PTPRR: variants seen among roughly 807,000 people sequenced by gnomAD.
The protein encoded by PTPRR is protein tyrosine phosphatase receptor type R, also known as receptor-type tyrosine-protein phosphatase R.
A neutral mutation model predicts 77.2 loss-of-function variants in PTPRR; 38 were observed. The observed-to-expected ratio is 0.49, with a 90% CI of 0.38 to 0.65. The LOEUF is 0.65. PTPRR is among the 30% of genes least tolerant of loss of function. The probability of loss-of-function intolerance (pLI) is 0.00; values close to 1 mark genes in which losing one functional copy is unlikely to be tolerated. For missense variants in PTPRR, 744 were observed against 799.2 expected (o/e 0.93, Z 0.83); for synonymous variants, 299 against 283.1 (o/e 1.06, Z -0.57).
At chr12:70,919,813 G>A (rs1044473217) in intron 1 of PTPRR, among the ~76,000 whole-genome samples, 4 of 151,886 alleles carry the variant, frequency 2.6e-5, no homozygotes, top group Admixed American at 2.0e-4. Flanking sequence ...AAGAGCAGGG[G>A]CCAAAGGAGC....
intron 2 of PTPRR, among the ~76,000 whole-genome samples, chr12:70,861,271 C>T (rs1310652436): frequency 2.0e-5 from 3 of 152,100 alleles, no homozygotes; most frequent in African/African-American, 7.2e-5. Flanking sequence ...GACAGAGTAT[C>T]TCATAGCACA....
intron 13 of PTPRR, among the ~76,000 whole-genome samples, chr12:70,655,218 T>C (rs1173300916): frequency 6.6e-6 from 1 of 152,148 alleles, no homozygotes; most frequent in Non-Finnish European, 1.5e-5. Context: ...GGATGGCTAC[T>C]ATCAAAAAAA....
At chr12:70,766,552 C>T (rs186923091) in intron 2 of PTPRR, among the ~76,000 whole-genome samples, 18 of 151,978 alleles carry the variant, frequency 1.2e-4, no homozygotes, top group African/African-American at 3.6e-4. Context: ...TGTACTTGAA[C>T]GTGACGGGGA....
chr12:70,817,689 G>T (rs1422595555), intron 2 of PTPRR, among the ~76,000 whole-genome samples: 1 of 152,106 alleles, frequency 6.6e-6, no homozygotes. Flanking sequence ...AGAACACCAG[G>T]CTGTTGTTCA....
At chr12:70,712,764 C>G (rs1888872492) in intron 6 of PTPRR, among the ~76,000 whole-genome samples, 1 of 151,774 alleles carries the variant, frequency 6.6e-6, no homozygotes, top group Admixed American at 6.6e-5. Flanking sequence ...CATGCTTTAA[C>G]CAAATCAAAC....
intron 5 of PTPRR, among the ~76,000 whole-genome samples, chr12:70,753,478 G>A (rs565126033): frequency 6.6e-6 from 1 of 152,222 alleles, no homozygotes; most frequent in Non-Finnish European, 1.5e-5. Flanking sequence ...CAAATGAGTA[G>A]AAACATCTTA....
chr12:70,749,637 T>G (rs1392449399), intron 5 of PTPRR, among the ~76,000 whole-genome samples: 1 of 152,174 alleles, frequency 6.6e-6, no homozygotes, highest in Non-Finnish European at 1.5e-5. Flanking sequence ...ACCTTTGACA[T>G]GTATTTATTA....
At chr12:70,807,482 C>A (rs1484557245) in intron 2 of PTPRR, among the ~76,000 whole-genome samples, 4 of 152,084 alleles carry the variant, frequency 2.6e-5, no homozygotes, top group African/African-American at 4.8e-5. Context: ...ATCTTCTCCC[C>A]CCACCCCACC....
At chr12:70,701,663 G>A (rs1040122986) in intron 6 of PTPRR, among the ~76,000 whole-genome samples, 3 of 152,108 alleles carry the variant, frequency 2.0e-5, no homozygotes, top group African/African-American at 4.8e-5. Flanking sequence ...TATATCTTCT[G>A]AGTGAATCCC....
intron 2 of PTPRR, among the ~76,000 whole-genome samples, chr12:70,891,933 T>C (rs1351462658): frequency 6.6e-6 from 1 of 152,046 alleles, no homozygotes; most frequent in Non-Finnish European, 1.5e-5. Flanking sequence ...AACTACTGAT[T>C]TGTAGTTTCA....
intron 6 of PTPRR, among the ~76,000 whole-genome samples, chr12:70,715,459 G>C (rs555435166): frequency 3.3e-5 from 5 of 152,180 alleles, no homozygotes; most frequent in Admixed American, 3.3e-4. Context: ...GAGAGCAACC[G>C]GTCTGACCAA....
At chr12:70,817,302 T>A (rs1458963803) in intron 2 of PTPRR, among the ~76,000 whole-genome samples, 1 of 152,214 alleles carries the variant, frequency 6.6e-6, no homozygotes, top group East Asian at 1.9e-4. Flanking sequence ...TTTTTCCTTT[T>A]TGTTGCTACA....
chr12:70,795,388 C>T (rs1245937149), intron 2 of PTPRR, among the ~76,000 whole-genome samples: 1 of 152,132 alleles, frequency 6.6e-6, no homozygotes, highest in East Asian at 1.9e-4. Flanking sequence ...ATGTGATCAA[C>T]CTTTGATGAT....
chr12:70,795,940 T>TTTG (rs1436544409), intron 2 of PTPRR, among the ~76,000 whole-genome samples: 16 of 133,522 alleles, frequency 1.2e-4, no homozygotes, highest in Non-Finnish European at 1.6e-4. Context: ...TTTTTTTTTT[T>TTTG]TGACACAGAG....
At chr12:70,745,215 C>A (rs1890173993) in intron 6 of PTPRR, among the ~76,000 whole-genome samples, 2 of 152,134 alleles carry the variant, frequency 1.3e-5, no homozygotes, top group African/African-American at 4.8e-5. Context: ...CAGGCATGCG[C>A]CACCTCACCT....
rs549524838 is a variant in PTPRR, at chr12:70,741,799, C to T, written c.1007+4019G>A. ...CAGGTGAGACCCCTGGATCCTTCAC[C>T]GCTGAGCCCTGGGAAGTGGGGGACC... is the stretch of plus-strand genomic sequence containing the variant. On this transcript the variant is annotated intron_variant, in intron 6 of 13. Transcript: ENST00000283228. 2.6e-5 allele frequency among the ~76,000 whole-genome samples: 4 copies of T among 152,244 alleles called. No homozygotes were observed. The South Asian group carries it at 6.2e-4, about 24-fold the overall frequency.
chr12:70,810,017 G>C (rs1730581200), intron 2 of PTPRR, among the ~76,000 whole-genome samples: 2 of 152,154 alleles, frequency 1.3e-5, no homozygotes, highest in Non-Finnish European at 2.9e-5. Flanking sequence ...GTTTTCATAA[G>C]ATATCCCACA....
chr12:70,855,768 G>A lies in PTPRR; in HGVS notation c.357+36911C>T, dbSNP rs10879205. On this transcript the variant is annotated intron_variant, in intron 2 of 13. Transcript: ENST00000283228. ...CATACTATGTGAAGAAAAGTTATTCGTTTTTAAGGCTTTTAGGCCAAATTG... is the reference window on the plus strand; with the variant it reads ...CATACTATGTGAAGAAAAGTTATTCATTTTTAAGGCTTTTAGGCCAAATTG... Among the ~76,000 whole-genome samples, 6 of 151,934 alleles carry A rather than the reference G, an allele frequency of 3.9e-5. No homozygotes were observed. The South Asian group carries it at 8.3e-4, about 21-fold the overall frequency.
At chr12:70,683,991 T>A (rs1021449965) in intron 10 of PTPRR, 136 bp downstream of exon 10, 1 of 851,982 alleles carries the variant, frequency 1.2e-6, no homozygotes. Context: ...ATATTTGGGA[T>A]GTATTAAGTG....
Sources: gnomAD v4.1 joint callset for allele counts (sites outside exome capture counted in the v4.1 genomes callset) on GRCh38, gnomAD v4.1.1 for gene constraint, MANE v1.5 for transcripts, NCBI Gene and HGNC (gene_info 2026-07-23, HGNC 2026-07-21) for gene names.